ANKS1B: variants seen among roughly 807,000 people sequenced by gnomAD.
The protein encoded by ANKS1B is ankyrin repeat and sterile alpha motif domain-containing protein 1B.
In ANKS1B, 36 loss-of-function variants were observed where a neutral mutation model predicts 148.3. The ratio of observed to expected loss-of-function variants is 0.24; its 90% CI spans 0.19 to 0.32. The LOEUF is 0.32. ANKS1B is among the 10% of genes least tolerant of loss of function. The probability of loss-of-function intolerance (pLI) is 1.00; values close to 1 mark genes in which losing one functional copy is unlikely to be tolerated. For missense variants in ANKS1B, 1,157 were observed against 1,542.6 expected (o/e 0.75, Z 4.19); for synonymous variants, 542 against 560.8 (o/e 0.97, Z 0.47).
At chr12:99,070,724 A>C (rs2045989738) in intron 16 of ANKS1B, among the ~76,000 whole-genome samples, 1 of 152,062 alleles carries the variant, frequency 6.6e-6, no homozygotes, top group South Asian at 2.1e-4. Flanking sequence ...TGCTGTCCAG[A>C]CTGGAGTGCA....
intron 1 of ANKS1B, among the ~76,000 whole-genome samples, chr12:99,883,871 G>A (rs540812997): frequency 1.3e-4 from 20 of 152,092 alleles, no homozygotes; most frequent in Non-Finnish European, 2.1e-4. Context: ...AGCTGACATC[G>A]TGCCACTGCA....
chr12:99,082,944 GAAC>G (rs949946727), intron 16 of ANKS1B, among the ~76,000 whole-genome samples: 5 of 152,058 alleles, frequency 3.3e-5, no homozygotes, highest in African/African-American at 1.2e-4. Context: ...CTGAAAGTGA[GAAC>G]AACAAAACTT....
intron 8 of ANKS1B, among the ~76,000 whole-genome samples, chr12:99,658,906 A>G (rs1306598334): frequency 1.3e-5 from 2 of 152,340 alleles, no homozygotes; most frequent in Non-Finnish European, 2.9e-5. Context: ...GAAAGAAAAC[A>G]TTGCCTTATT....
At chr12:99,043,485 G>T (rs371691785) in intron 17 of ANKS1B, among the ~76,000 whole-genome samples, 9 of 152,170 alleles carry the variant, frequency 5.9e-5, no homozygotes, top group East Asian at 3.9e-4. Context: ...TCAGTAACTT[G>T]CCCTGGACTT....
At chr12:98,990,357 T>C (rs1431851361) in intron 17 of ANKS1B, among the ~76,000 whole-genome samples, 1 of 152,012 alleles carries the variant, frequency 6.6e-6, no homozygotes, top group African/African-American at 2.4e-5. Flanking sequence ...TCCCAACAAA[T>C]GATTTTTAAC....
At chr12:99,885,060 A>G (rs2092748764) in intron 1 of ANKS1B, among the ~76,000 whole-genome samples, 1 of 152,030 alleles carries the variant, frequency 6.6e-6, no homozygotes, top group South Asian at 2.1e-4. Context: ...TAGTATTTAT[A>G]TCTCATAGGT....
intron 1 of ANKS1B, among the ~76,000 whole-genome samples, chr12:99,949,346 G>A (rs1357951937): frequency 6.6e-6 from 1 of 152,148 alleles, no homozygotes; most frequent in Non-Finnish European, 1.5e-5. Flanking sequence ...GGCAAAGAAG[G>A]AGAACATTTC....
At chr12:99,431,634 T>C (rs778332518) in intron 11 of ANKS1B, among the ~76,000 whole-genome samples, 4 of 152,188 alleles carry the variant, frequency 2.6e-5, no homozygotes, top group Non-Finnish European at 5.9e-5. Context: ...TATAAGAACA[T>C]CACTTACAGA....
intron 14 of ANKS1B, among the ~76,000 whole-genome samples, chr12:99,216,600 G>C (rs2084238953): frequency 6.6e-6 from 1 of 152,052 alleles, no homozygotes; most frequent in South Asian, 2.1e-4. Context: ...TAACTGAGTA[G>C]GAAAAAACCA....
At chr12:99,317,598 G>A (rs2084380485) in intron 12 of ANKS1B, among the ~76,000 whole-genome samples, 1 of 152,120 alleles carries the variant, frequency 6.6e-6, no homozygotes, top group Admixed American at 6.5e-5. Flanking sequence ...ATACAATCAT[G>A]GCATCTGCAA....
chr12:99,532,581 C>T (rs2153094783), intron 9 of ANKS1B, among the ~76,000 whole-genome samples: 1 of 152,228 alleles, frequency 6.6e-6, no homozygotes, highest in Admixed American at 6.5e-5. Context: ...AGGATGGTCT[C>T]AATCTCCTGA....
intron 9 of ANKS1B, 97 bp from the exon 10 acceptor site, chr12:99,504,738 T>C (rs2153006703): frequency 2.3e-6 from 2 of 883,286 alleles, no homozygotes; most frequent in East Asian, 5.5e-5. Flanking sequence ...ATTAGTTCTT[T>C]CCAAAGTGAT....
chr12:99,088,988 G>A (rs773294085), intron 15 of ANKS1B, among the ~76,000 whole-genome samples: 2 of 151,718 alleles, frequency 1.3e-5, no homozygotes, highest in Non-Finnish European at 1.5e-5. Flanking sequence ...TGGGATTACA[G>A]GTGCCCGTCA....
At chr12:99,595,258 G>A (rs1353987834) in intron 9 of ANKS1B, among the ~76,000 whole-genome samples, 1 of 151,850 alleles carries the variant, frequency 6.6e-6, no homozygotes, top group Non-Finnish European at 1.5e-5. Flanking sequence ...AACCTATAAT[G>A]TTATGGTTAC....
intron 2 of ANKS1B, among the ~76,000 whole-genome samples, chr12:99,824,469 C>T (rs2082910112): frequency 6.6e-6 from 1 of 150,764 alleles, no homozygotes; most frequent in African/African-American, 2.4e-5. Context: ...CACTGCACTC[C>T]AGCCTGGGCG....
Position 99,544,674 on chromosome 12 carries a change from G to GA in ANKS1B, c.1273-40034dup, listed in dbSNP as rs1238037636. Among the ~76,000 whole-genome samples, 4 of 152,094 alleles carry GA rather than the reference G, an allele frequency of 2.6e-5. No homozygotes were observed. The East Asian group carries it at 7.7e-4, about 29-fold the overall frequency. ...ACACCTACATTATTTAGTCATTCAG[G>GA]ATGACAGAACAAGTGACAAGAGCAA... On this transcript the variant is annotated intron_variant, in intron 9 of 26. Transcript: ENST00000683438.
chr12:99,288,235 C>T (rs1272141100), intron 12 of ANKS1B, among the ~76,000 whole-genome samples: 1 of 152,050 alleles, frequency 6.6e-6, no homozygotes, highest in Non-Finnish European at 1.5e-5. Context: ...TCAGTGGAAG[C>T]CTTCCAGGCC....
intron 10 of ANKS1B, among the ~76,000 whole-genome samples, chr12:99,503,838 C>T (rs1354218987): frequency 6.6e-6 from 1 of 151,882 alleles, no homozygotes; most frequent in Non-Finnish European, 1.5e-5. Flanking sequence ...ATTGACCATC[C>T]ACTTGAAAAT....
chr12:98,977,324 AAAGATGG>A (rs1195116963), intron 17 of ANKS1B, among the ~76,000 whole-genome samples: 1 of 152,258 alleles, frequency 6.6e-6, no homozygotes, highest in Non-Finnish European at 1.5e-5. Context: ...ATTTCATTGC[AAAGATGG>A]AACATAGCAT....
Sources: allele counts gnomAD v4.1 joint callset (sites outside exome capture counted in the v4.1 genomes callset), GRCh38; gene constraint gnomAD v4.1.1; transcripts MANE v1.5; gene names NCBI Gene and HGNC (gene_info 2026-07-23, HGNC 2026-07-21).